Variants in SOX5 observed in about 807,000 individuals in gnomAD.
The protein encoded by SOX5 is transcription factor SOX-5.
In SOX5, 9 loss-of-function variants were observed where a neutral mutation model predicts 92.0. That is an observed-to-expected ratio of 0.10 (90% CI 0.06 to 0.17). The LOEUF (loss-of-function observed/expected upper bound fraction) is 0.17, where lower values mean the gene tolerates loss of function less well. Ranked by LOEUF, SOX5 falls within the 10% of genes least tolerant of loss-of-function variation. SOX5 has a pLI of 1.00. For synonymous variants in SOX5, 344 were observed against 336.3 expected, an observed-to-expected ratio of 1.02 and a Z score of -0.25; for missense variants, 642 against 944.5, an observed-to-expected ratio of 0.68 and a Z score of 4.20.
intron 11 of SOX5, among the ~76,000 whole-genome samples, chr12:23,558,668 T>C (rs1403954985): frequency 2.0e-5 from 3 of 152,246 alleles, no homozygotes; most frequent in Non-Finnish European, 4.4e-5. Context: ...AATGGCGTGA[T>C]CCTGGCTCAC....
intron 3 of SOX5, among the ~76,000 whole-genome samples, chr12:24,248,833 A>G (rs1282732031): frequency 6.6e-6 from 1 of 152,042 alleles, no homozygotes; most frequent in Admixed American, 6.6e-5. Context: ...TTATGTTTTT[A>G]AGGATATTTT....
chr12:24,375,200 C>T (rs1474560030), intron 1 of SOX5, among the ~76,000 whole-genome samples: 3 of 151,598 alleles, frequency 2.0e-5, no homozygotes, highest in Non-Finnish European at 4.4e-5. Context: ...GTCTCGATCA[C>T]CTGACCTCGT....
At chr12:24,394,143 A>C (rs373426936) in intron 1 of SOX5, among the ~76,000 whole-genome samples, 4 of 152,280 alleles carry the variant, frequency 2.6e-5, no homozygotes, top group African/African-American at 9.6e-5. Context: ...ACACACAACA[A>C]GGGAAGCCTG....
intron 4 of SOX5, among the ~76,000 whole-genome samples, chr12:24,099,627 GA>G (rs1010098293): frequency 3.3e-5 from 5 of 152,196 alleles, no homozygotes; most frequent in Admixed American, 2.6e-4. Flanking sequence ...GCAGTTGGGG[GA>G]AAGGAAGCTT....
intron 3 of SOX5, among the ~76,000 whole-genome samples, chr12:23,815,009 G>C (rs1024760554): frequency 6.6e-6 from 1 of 152,152 alleles, no homozygotes; most frequent in African/African-American, 2.4e-5. Context: ...CTGCAAAAGA[G>C]TTTTCATCCA....
chr12:23,602,046 A>G (rs934896992), intron 9 of SOX5, among the ~76,000 whole-genome samples: 86 of 152,288 alleles, frequency 5.6e-4, no homozygotes, highest in Middle Eastern at 3.4e-3. Flanking sequence ...ACTATAAACC[A>G]CATAAAGTTT....
chr12:24,228,094 G>T (rs1337277136), intron 3 of SOX5, among the ~76,000 whole-genome samples: 4 of 152,148 alleles, frequency 2.6e-5, no homozygotes, highest in Non-Finnish European at 5.9e-5. Context: ...CTTCCTCCCT[G>T]GTGTGCCCGG....
intron 4 of SOX5, among the ~76,000 whole-genome samples, chr12:24,128,495 G>C (rs1010110420): frequency 2.0e-5 from 3 of 152,010 alleles, no homozygotes; most frequent in African/African-American, 7.3e-5. Flanking sequence ...ATTTAGATAG[G>C]GTAGCAAAAA....
intron 4 of SOX5, among the ~76,000 whole-genome samples, chr12:24,139,500 T>C (rs1355387007): frequency 1.3e-5 from 2 of 152,222 alleles, no homozygotes; most frequent in African/African-American, 2.4e-5. Context: ...ATTTTTAATA[T>C]TGTGGTCAAT....
intron 1 of SOX5, among the ~76,000 whole-genome samples, chr12:24,494,736 A>G (rs1436031968): frequency 1.3e-5 from 2 of 152,148 alleles, no homozygotes; most frequent in South Asian, 4.1e-4. Context: ...ATTCCCCTTA[A>G]AACGAACTAC....
At chr12:23,631,179 C>T (rs1652132514) in intron 8 of SOX5, among the ~76,000 whole-genome samples, 1 of 152,012 alleles carries the variant, frequency 6.6e-6, no homozygotes, top group African/African-American at 2.4e-5. Context: ...ATTTGTTCCT[C>T]TTAAGATGCA....
intron 7 of SOX5, among the ~76,000 whole-genome samples, chr12:23,650,005 C>T (rs2081352312): frequency 6.6e-6 from 1 of 152,040 alleles, no homozygotes; most frequent in Non-Finnish European, 1.5e-5. Flanking sequence ...ATTGGCCTTA[C>T]ATGTTTTTTT....
At chr12:24,452,931 C>A (rs74589449) in intron 1 of SOX5, among the ~76,000 whole-genome samples, 485 of 152,262 alleles carry the variant, frequency 3.2e-3, no homozygotes, top group African/African-American at 0.011. Flanking sequence ...AACCAGCTGG[C>A]TTCAATGCAA....
chr12:23,684,343 C>G (rs1331929739), intron 6 of SOX5, among the ~76,000 whole-genome samples: 2 of 151,940 alleles, frequency 1.3e-5, no homozygotes, highest in African/African-American at 4.8e-5. Context: ...AATTTCTCAA[C>G]AATTTTGGTT....
intron 3 of SOX5, among the ~76,000 whole-genome samples, chr12:23,775,866 T>C (rs2095081079): frequency 6.6e-6 from 1 of 152,156 alleles, no homozygotes; most frequent in Non-Finnish European, 1.5e-5. Context: ...AGGCCTTCTT[T>C]GACATACCAT....
At chr12:23,925,864 T>A (rs73068226) in intron 1 of SOX5, among the ~76,000 whole-genome samples, 31,622 of 151,976 alleles carry the variant, frequency 0.21, 4,052 homozygotes, top group Non-Finnish European at 0.29. Context: ...ACAATCACCT[T>A]TAGTGTAATT....
intron 3 of SOX5, among the ~76,000 whole-genome samples, chr12:23,770,808 A>C (rs2094907665): frequency 3.3e-5 from 5 of 152,168 alleles, no homozygotes. Flanking sequence ...ATCTTCACTG[A>C]CTTATTTCTC....
chr12:23,675,150 A>G (rs1022580791), intron 6 of SOX5, among the ~76,000 whole-genome samples: 2 of 152,166 alleles, frequency 1.3e-5, no homozygotes, highest in Admixed American at 1.3e-4. Flanking sequence ...TCATTCCCAA[A>G]TATCTTGACG....
chr12:23,963,705 A>C (rs1276952167), intron 4 of SOX5, among the ~76,000 whole-genome samples: 5 of 140,916 alleles, frequency 3.5e-5, no homozygotes, highest in Non-Finnish European at 7.6e-5. Context: ...TACAATGGAT[A>C]GTTTTTGGAT....
Sources: allele counts gnomAD v4.1 joint callset (sites outside exome capture counted in the v4.1 genomes callset), GRCh38; gene constraint gnomAD v4.1.1; transcripts MANE v1.5; gene names NCBI Gene and HGNC (gene_info 2026-07-23, HGNC 2026-07-21).